Variants in CNTN4 observed in about 807,000 individuals in gnomAD.
The protein encoded by CNTN4 is contactin-4.
In CNTN4, 77 loss-of-function variants were observed where a neutral mutation model predicts 122.5. The observed-to-expected ratio is 0.63, with a 90% confidence interval of 0.52 to 0.76. The LOEUF (loss-of-function observed/expected upper bound fraction) is 0.76. CNTN4 is among the 30% of genes least tolerant of loss of function. CNTN4 has a pLI of 0.00. For missense variants in CNTN4, 1,256 were observed against 1,259.1 expected (o/e 1.00, Z 0.04); for synonymous variants, 512 against 447.0 (o/e 1.15, Z -1.83).
At chr3:2,794,462 T>C (rs1185066526) in intron 6 of CNTN4, among the ~76,000 whole-genome samples, 1 of 152,224 alleles carries the variant, frequency 6.6e-6, no homozygotes, top group Non-Finnish European at 1.5e-5. Context: ...AATCCCTTTT[T>C]TTGTTCATAG....
intron 15 of CNTN4, among the ~76,000 whole-genome samples, chr3:3,028,187 G>A (rs1227144938): frequency 2.0e-5 from 3 of 152,134 alleles, no homozygotes; most frequent in African/African-American, 7.2e-5. Context: ...TTTTATAAAA[G>A]TTATTATTTC....
chr3:2,909,743 C>T (rs2094278906), intron 12 of CNTN4, among the ~76,000 whole-genome samples: 1 of 152,170 alleles, frequency 6.6e-6, no homozygotes, highest in African/African-American at 2.4e-5. Flanking sequence ...TCGTGCATCA[C>T]AGTAATCTAG....
chr3:2,323,862 A>G (rs1336849503), intron 2 of CNTN4, among the ~76,000 whole-genome samples: 3 of 152,196 alleles, frequency 2.0e-5, no homozygotes, highest in African/African-American at 7.2e-5. Flanking sequence ...GCTCTATAAT[A>G]TGCTTGTGTG....
chr3:2,778,931 C>G (rs1326061760), intron 6 of CNTN4, among the ~76,000 whole-genome samples: 1 of 152,158 alleles, frequency 6.6e-6, no homozygotes, highest in Non-Finnish European at 1.5e-5. Flanking sequence ...AGTTTTAGAA[C>G]CAACTTTATA....
intron 12 of CNTN4, among the ~76,000 whole-genome samples, chr3:2,913,831 T>C (rs976574647): frequency 4.6e-5 from 7 of 152,166 alleles, no homozygotes; most frequent in Non-Finnish European, 1.0e-4. Context: ...TAAAGAACAC[T>C]GCTCTCTACT....
At chr3:2,184,387 G>T (rs1001276847) in intron 2 of CNTN4, among the ~76,000 whole-genome samples, 1 of 152,142 alleles carries the variant, frequency 6.6e-6, no homozygotes, top group Non-Finnish European at 1.5e-5. Context: ...CAGAGCATGG[G>T]TGAGGGTGAG....
chr3:2,581,951 A>G (rs1310146025), intron 4 of CNTN4, among the ~76,000 whole-genome samples: 1 of 152,220 alleles, frequency 6.6e-6, no homozygotes, highest in African/African-American at 2.4e-5. Context: ...ACAAAGCCAT[A>G]GGGACAGAAA....
intron 2 of CNTN4, among the ~76,000 whole-genome samples, chr3:2,179,366 C>T (rs1423657897): frequency 4.0e-5 from 6 of 151,872 alleles, no homozygotes; most frequent in Non-Finnish European, 8.8e-5. Flanking sequence ...GTCCATAATG[C>T]CCCAGATAGG....
intron 3 of CNTN4, among the ~76,000 whole-genome samples, chr3:2,486,446 A>C (rs902136584): frequency 2.0e-5 from 3 of 152,198 alleles, no homozygotes; most frequent in African/African-American, 7.2e-5. Context: ...CAAAATAGTG[A>C]AATGTTTGGA....
intron 13 of CNTN4, among the ~76,000 whole-genome samples, chr3:2,963,102 A>T (rs530792004): frequency 6.6e-6 from 1 of 152,176 alleles, no homozygotes; most frequent in African/African-American, 2.4e-5. Context: ...CCATCGAGTC[A>T]GACTGAGTTT....
intron 3 of CNTN4, among the ~76,000 whole-genome samples, chr3:2,410,646 G>C (rs1024534333): frequency 6.6e-6 from 1 of 152,142 alleles, no homozygotes; most frequent in African/African-American, 2.4e-5. Context: ...GCCACAGGTA[G>C]GTTACTAGGG....
chr3:2,514,110 G>A (rs9864558), intron 3 of CNTN4, among the ~76,000 whole-genome samples: 1 of 151,964 alleles, frequency 6.6e-6, no homozygotes, highest in Non-Finnish European at 1.5e-5. Context: ...TTGGGATACA[G>A]CAGCAGAGAG....
intron 2 of CNTN4, among the ~76,000 whole-genome samples, chr3:2,211,079 A>C (rs1455860735): frequency 6.6e-6 from 1 of 152,206 alleles, no homozygotes; most frequent in East Asian, 1.9e-4. Flanking sequence ...CAAGCTGTAC[A>C]GGTGGCATGG....
intron 10 of CNTN4, among the ~76,000 whole-genome samples, chr3:2,891,262 G>A (rs1331458210): frequency 1.3e-5 from 2 of 152,018 alleles, no homozygotes; most frequent in Non-Finnish European, 2.9e-5. Context: ...CCAGGAATTC[G>A]AAACCAGCTC....
At chr3:2,562,901 T>C (rs909373003) in intron 3 of CNTN4, among the ~76,000 whole-genome samples, 1 of 152,100 alleles carries the variant, frequency 6.6e-6, no homozygotes, top group Admixed American at 6.5e-5. Flanking sequence ...CTTTTAAATT[T>C]TTTTTTTGTA....
chr3:3,038,870 A>G (rs1699875761), intron 18 of CNTN4, 63 bp from the exon 19 acceptor site: 6 of 1,407,538 alleles, frequency 4.3e-6, no homozygotes, highest in Non-Finnish European at 6.0e-6. Context: ...CTGCCAGGCA[A>G]CCTTCCTGGC....
At chr3:2,701,099 G>T (rs1411399535) in intron 4 of CNTN4, among the ~76,000 whole-genome samples, 1 of 152,086 alleles carries the variant, frequency 6.6e-6, no homozygotes, top group Non-Finnish European at 1.5e-5. Flanking sequence ...ACATCTTTCT[G>T]TTTTAAATAG....
chr3:3,054,764 T>TG (rs1389943596), intron 24 of CNTN4, among the ~76,000 whole-genome samples: 1 of 152,006 alleles, frequency 6.6e-6, no homozygotes, highest in African/African-American at 2.4e-5. Context: ...AGCTTGAGAG[T>TG]GGTGCTGGTT....
chr3:2,606,536 G>C (rs940064401), intron 4 of CNTN4, among the ~76,000 whole-genome samples: 1 of 152,208 alleles, frequency 6.6e-6, no homozygotes, highest in Non-Finnish European at 1.5e-5. Flanking sequence ...GGCGGATAAT[G>C]GGTTTTAAGA....
Sources: allele counts gnomAD v4.1 joint callset (sites outside exome capture counted in the v4.1 genomes callset), GRCh38; gene constraint gnomAD v4.1.1; transcripts MANE v1.5; gene names NCBI Gene and HGNC (gene_info 2026-07-23, HGNC 2026-07-21).